Variants in CFAP20DC observed in about 807,000 individuals in gnomAD.
The protein encoded by CFAP20DC is protein CFAP20DC.
In CFAP20DC, 84 loss-of-function variants were observed where a neutral mutation model predicts 101.7. The observed-to-expected ratio is 0.83, with a 90% CI of 0.69 to 0.99. The LOEUF (loss-of-function observed/expected upper bound fraction) is 0.99. CFAP20DC is among the 50% of genes least tolerant of loss of function. The pLI, the probability that CFAP20DC is intolerant of heterozygous loss-of-function variation, is 0.00. For synonymous variants in CFAP20DC, 359 were observed against 351.2 expected (o/e 1.02, Z -0.25); for missense variants, 1,007 against 970.3 (o/e 1.04, Z -0.50).
In CFAP20DC at chr3:59,006,429, C is replaced by A. The variant is rs539326321; in HGVS notation, c.278+33128G>T. ...GGAAAACTGGAAGAATTCACAGATC[C>A]TTTGAAAGAAGCAGCATGCTGCTGC... On this transcript the variant is annotated intron_variant, in intron 4 of 16. Coordinates refer to ENST00000482387, the MANE Select transcript of CFAP20DC (RefSeq NM_001394063.1). The surrounding 1 kb of genome is among the most constrained non-coding windows in gnomAD (Gnocchi z 4.3). Among the ~76,000 whole-genome samples the A allele has an allele frequency of 6.8e-4, 104 of 152,298 alleles. No homozygotes were observed. Among genetic ancestry groups the A allele is most frequent in the African/African-American group, 2.5e-3 (102 of 41,560 alleles).
intron 7 of CFAP20DC, among the ~76,000 whole-genome samples, chr3:58,880,935 C>CG (rs2108623643): frequency 6.6e-6 from 1 of 152,230 alleles, no homozygotes; most frequent in African/African-American, 2.4e-5. Flanking sequence ...AAGAAAAAGT[C>CG]TGAGTTTAGA....
chr3:58,965,360 A>C (rs2091448784), intron 4 of CFAP20DC, among the ~76,000 whole-genome samples: 1 of 152,230 alleles, frequency 6.6e-6, no homozygotes, highest in South Asian at 2.1e-4. Flanking sequence ...ATTTTAAAAG[A>C]GTGAAAAACA....
chr3:59,044,565 G>A (rs887675642), intron 3 of CFAP20DC, among the ~76,000 whole-genome samples: 3 of 151,368 alleles, frequency 2.0e-5, no homozygotes, highest in Non-Finnish European at 4.4e-5. Flanking sequence ...CATTAAACTT[G>A]GTTTATTTCT....
At chr3:59,009,876 T>C (rs903352139) in intron 4 of CFAP20DC, among the ~76,000 whole-genome samples, 19 of 152,154 alleles carry the variant, frequency 1.2e-4, no homozygotes, top group African/African-American at 4.3e-4. Flanking sequence ...GCAGAAACTT[T>C]ACAAGCCAGA....
chr3:59,005,380 C>T (rs919834841), intron 4 of CFAP20DC, among the ~76,000 whole-genome samples: 1 of 152,170 alleles, frequency 6.6e-6, no homozygotes. Flanking sequence ...ATACATAATA[C>T]TTTTAAGCTA....
chr3:59,018,959 C>T (rs1412174359), intron 4 of CFAP20DC: 1 of 152,142 alleles, frequency 6.6e-6, no homozygotes, highest in South Asian at 2.1e-4. Context: ...CACACACATA[C>T]AGAAAAACTG....
intron 14 of CFAP20DC, among the ~76,000 whole-genome samples, chr3:58,812,561 G>C (rs547714696): frequency 2.3e-4 from 35 of 151,748 alleles, no homozygotes; most frequent in Non-Finnish European, 3.8e-4. Context: ...GTTGTGGGGT[G>C]GGGGGAGCGG....
chr3:58,731,709 A>G (rs1459234501), intron 3 of CFAP20DC, among the ~76,000 whole-genome samples: 1 of 152,266 alleles, frequency 6.6e-6, no homozygotes, highest in Non-Finnish European at 1.5e-5. Context: ...GCTTTTAAAA[A>G]ATATAGATTC....
intron 12 of CFAP20DC, among the ~76,000 whole-genome samples, chr3:58,855,195 T>C (rs2078657942): frequency 6.6e-6 from 1 of 152,082 alleles, no homozygotes; most frequent in Admixed American, 6.5e-5. Flanking sequence ...CAGACACTTC[T>C]CAAAAGAAGA....
chr3:58,716,318 C>T (rs564385611), downstream of CFAP20DC, among the ~76,000 whole-genome samples: 24 of 151,512 alleles, frequency 1.6e-4, 1 homozygote, highest in South Asian at 1.0e-3. Context: ...CCCGCCACCA[C>T]GCCCGGCTAA....
chr3:58,897,290 T>C lies in CFAP20DC; in HGVS notation c.551-12581A>G, dbSNP rs144806172. On this transcript the variant is annotated intron_variant, in intron 6 of 16. Coordinates refer to ENST00000482387, the MANE Select transcript of CFAP20DC (RefSeq NM_001394063.1). The surrounding 1 kb of genome is among the most constrained non-coding windows in gnomAD (Gnocchi z 4.4). ...TATGTGTGTGTCTTTGCACATGAGA[T>C]GGCAGCATACCATGAATCTTGGCTC... 5.7e-4 allele frequency among the ~76,000 whole-genome samples: 87 copies of C among 152,326 alleles called. No homozygotes were observed. The highest frequency in any genetic ancestry group is 2.0e-3 in the African/African-American group (85 of 41,586).
intron 4 of CFAP20DC, among the ~76,000 whole-genome samples, chr3:59,005,819 A>C (rs2093421070): frequency 6.6e-6 from 1 of 152,184 alleles, no homozygotes; most frequent in Non-Finnish European, 1.5e-5. Flanking sequence ...TTAAGTATTG[A>C]TTACTTTCAT....
At chr3:58,853,446 T>A (rs1271709820) in intron 12 of CFAP20DC, among the ~76,000 whole-genome samples, 5 of 152,066 alleles carry the variant, frequency 3.3e-5, no homozygotes, top group Non-Finnish European at 7.4e-5. Context: ...ACTATTCCAA[T>A]CAATAGAAAA....
chr3:58,909,684 T>C (rs764180013), intron 6 of CFAP20DC, among the ~76,000 whole-genome samples: 1 of 152,218 alleles, frequency 6.6e-6, no homozygotes, highest in Non-Finnish European at 1.5e-5. Flanking sequence ...TTTTGCTTTC[T>C]TTTCTTAAAG....
intron 4 of CFAP20DC, among the ~76,000 whole-genome samples, chr3:58,990,767 G>GTA (rs1211340148): frequency 6.6e-5 from 10 of 151,948 alleles, no homozygotes; most frequent in Non-Finnish European, 1.3e-4. Flanking sequence ...GTGTGTGTGT[G>GTA]TGTGTGTGTG....
chr3:58,992,773 C>T (rs2092984147), intron 4 of CFAP20DC, among the ~76,000 whole-genome samples: 1 of 151,882 alleles, frequency 6.6e-6, no homozygotes, highest in East Asian at 1.9e-4. Flanking sequence ...AAATATAATG[C>T]TTAGTCAGGT....
At chr3:58,978,781 T>A (rs1393487334) in intron 4 of CFAP20DC, among the ~76,000 whole-genome samples, 2 of 152,076 alleles carry the variant, frequency 1.3e-5, no homozygotes, top group Non-Finnish European at 2.9e-5. Flanking sequence ...GAGATATTTC[T>A]GGACTTGGGG....
At chr3:59,022,057 G>A (rs987745738) in intron 4 of CFAP20DC, among the ~76,000 whole-genome samples, 6 of 152,056 alleles carry the variant, frequency 3.9e-5, no homozygotes, top group Non-Finnish European at 7.4e-5. Context: ...TTTTGAAGGG[G>A]AGGAATGGGA....
intron 3 of CFAP20DC, among the ~76,000 whole-genome samples, chr3:58,718,164 A>C (rs1003227610): frequency 1.3e-5 from 2 of 152,210 alleles, no homozygotes; most frequent in African/African-American, 4.8e-5. Context: ...AAGCAGGGAT[A>C]AAAATGTGGT....
Sources: allele counts gnomAD v4.1 joint callset (sites outside exome capture counted in the v4.1 genomes callset), GRCh38; gene constraint gnomAD v4.1.1; non-coding constraint Gnocchi (gnomAD v3.1); transcripts MANE v1.5; gene names NCBI Gene and HGNC (gene_info 2026-07-23, HGNC 2026-07-21).